Variants in PDE4A observed in about 807,000 individuals in gnomAD.
PDE4A encodes 3',5'-cyclic-AMP phosphodiesterase 4A.
PDE4A carries 21 observed loss-of-function variants against 73.9 expected under a neutral mutation model. That is an observed-to-expected ratio of 0.28 (90% CI 0.20 to 0.41). PDE4A has a LOEUF of 0.41. Ranked by LOEUF, PDE4A falls within the 10% of genes least tolerant of loss-of-function variation. The pLI is 1.00. For synonymous variants in PDE4A, 463 were observed against 505.4 expected (o/e 0.92, Z 1.13); for missense variants, 958 against 1,211.4 (o/e 0.79, Z 3.10).
chr19:10,444,314 A>G (rs1488097887), intron 1 of PDE4A, among the ~76,000 whole-genome samples: 2 of 151,968 alleles, frequency 1.3e-5, no homozygotes, highest in Admixed American at 1.3e-4. Flanking sequence ...TGGAAGTTCC[A>G]GACCAGCCTG....
rs28610998 is a variant in PDE4A at position 10,431,007 on chromosome 19, C to T, written c.320+9923C>T. ...CTCCTCGCCCGTCTTCTTCGCCAGC[C>T]CGTCCCCAACTTTCCGCAGACGCCT... On this transcript the variant is annotated intron_variant, in intron 1 of 14. Coordinates refer to ENST00000380702, the MANE Select transcript of PDE4A (RefSeq NM_001111307.2). The T allele has an allele frequency of 3.2e-6, 5 of 1,578,388 alleles. No homozygotes were observed. The Admixed American group carries it at 8.6e-5, about 27-fold the overall frequency.
chr19:10,459,861 T>C, intron 10 of PDE4A, 102 bp downstream of exon 10: 1 of 1,287,216 alleles, frequency 7.8e-7, no homozygotes, highest in Non-Finnish European at 1.1e-6. Flanking sequence ...CCTCCATCTC[T>C]CTTTGACGCC....
chr19:10,463,395 CTTTTTTT>C (rs35214617), intron 13 of PDE4A, among the ~76,000 whole-genome samples: 19 of 100,398 alleles, frequency 1.9e-4, no homozygotes, highest in Non-Finnish European at 2.5e-4. Flanking sequence ...CAGCCCCATT[CTTTTTTT>C]TTTTTTTTTT....
intron 1 of PDE4A, chr19:10,427,598 A>G (rs1231428976): frequency 2.0e-6 from 2 of 985,324 alleles, no homozygotes; most frequent in Non-Finnish European, 2.4e-6. Context: ...AAACTCATCC[A>G]TAAAGGGCTT....
chr19:10,437,737 T>C (rs992269332), intron 1 of PDE4A, among the ~76,000 whole-genome samples: 6 of 151,374 alleles, frequency 4.0e-5, no homozygotes, highest in African/African-American at 7.3e-5. Context: ...CATTTTCGAG[T>C]GTATAGTTCA....
In PDE4A at chr19:10,421,111, C is replaced by T. The variant is rs2042645489; in HGVS notation, c.320+27C>T. 2.2e-6 allele frequency: 3 copies of T among 1,357,400 alleles called. No homozygotes were observed. In the East Asian group the frequency reaches 9.3e-5, roughly 42 times the overall value. The allele number at this position is 1,357,400 out of a possible 1,614,324, so 84.1% of individuals were successfully genotyped here. Reference sequence around the variant, plus strand: ...TAAGACTCCCCGCGGCGGATGCGCGCGGAACGGATGGGCGCGCAGGGAGGA... The same window carrying T: ...TAAGACTCCCCGCGGCGGATGCGCGTGGAACGGATGGGCGCGCAGGGAGGA... On this transcript the variant is annotated intron_variant, in intron 1 of 14. Transcript: ENST00000380702.
At chr19:10,419,054 G>A, upstream of PDE4A, 3 of 586,470 alleles carry the variant, frequency 5.1e-6, no homozygotes, top group Non-Finnish European at 6.2e-6. Flanking sequence ...AAGACCGGCA[G>A]TCTTTTTTTT....
At chr19:10,457,687 C>A in intron 7 of PDE4A, 192 bp from the exon 8 acceptor site, 1 of 663,908 alleles carries the variant, frequency 1.5e-6, no homozygotes, top group Non-Finnish European at 1.9e-6. Context: ...CCCACTCCAG[C>A]CCACCACCTC....
At chr19:10,445,482 A>G (rs776228980) in intron 1 of PDE4A, among the ~76,000 whole-genome samples, 5 of 151,970 alleles carry the variant, frequency 3.3e-5, no homozygotes, top group Non-Finnish European at 7.4e-5. Flanking sequence ...AACATCCTCC[A>G]CTTGGTTGGG....
chr19:10,427,731 C>G, intron 1 of PDE4A: 4 of 948,130 alleles, frequency 4.2e-6, no homozygotes, highest in Non-Finnish European at 5.0e-6. Context: ...TTGGCTTCCC[C>G]GTCTCTGAAA....
chr19:10,448,811 G>T, intron 2 of PDE4A, 106 bp from the exon 3 acceptor site: 1 of 1,567,460 alleles, frequency 6.4e-7, no homozygotes, highest in South Asian at 1.2e-5. Flanking sequence ...GTCCCACAGA[G>T]TCCCCTCCCT....
At chr19:10,430,090 T>G (rs1350896179) in intron 1 of PDE4A, among the ~76,000 whole-genome samples, 1 of 151,198 alleles carries the variant, frequency 6.6e-6, no homozygotes, top group Non-Finnish European at 1.5e-5. Context: ...TGATGAGAGT[T>G]GGGGATGATG....
At chr19:10,418,787 C>T (rs193127121), upstream of PDE4A, 30 of 985,328 alleles carry the variant, frequency 3.0e-5, no homozygotes, top group East Asian at 2.8e-3. Flanking sequence ...CTCTAACCAA[C>T]GTTACAGCAT....
At chr19:10,450,480 C>T (rs2043072153) in intron 4 of PDE4A, 123 bp from the exon 5 acceptor site, 1 of 1,453,164 alleles carries the variant, frequency 6.9e-7, no homozygotes, top group Non-Finnish European at 9.0e-7. Flanking sequence ...TACATGGCAG[C>T]GTCCTTAGGA....
intron 2 of PDE4A, among the ~76,000 whole-genome samples, chr19:10,446,906 T>C (rs1013538180): frequency 3.3e-5 from 5 of 149,378 alleles, no homozygotes; most frequent in African/African-American, 1.2e-4. Context: ...AGTTCCTTTT[T>C]TTTTTGAGAC....
chr19:10,417,169 G>C (rs2042596299), upstream of PDE4A: 2 of 983,578 alleles, frequency 2.0e-6, no homozygotes, highest in Non-Finnish European at 2.4e-6. Context: ...GCTGCCCTAA[G>C]AGGCTCTCAG....
chr19:10,462,730 A>G (rs887260361), intron 13 of PDE4A, among the ~76,000 whole-genome samples: 9 of 149,000 alleles, frequency 6.0e-5, no homozygotes, highest in Admixed American at 5.3e-4. Flanking sequence ...CTTCTCATCA[A>G]CTCCTTCCAG....
intron 1 of PDE4A, among the ~76,000 whole-genome samples, chr19:10,438,026 G>A (rs2042888109): frequency 6.6e-6 from 1 of 151,504 alleles, no homozygotes. Flanking sequence ...CCAGGCTGGT[G>A]TTGAACTCCT....
intron 1 of PDE4A, chr19:10,432,471 C>T (rs1329889239): frequency 2.0e-6 from 3 of 1,493,868 alleles, no homozygotes; most frequent in East Asian, 5.9e-5. Context: ...CCGGCCCCGG[C>T]CCCCTGCCCT....
Sources: gnomAD v4.1 joint callset for allele counts (sites outside exome capture counted in the v4.1 genomes callset) on GRCh38, gnomAD v4.1.1 for gene constraint, MANE v1.5 for transcripts, NCBI Gene and HGNC (gene_info 2026-07-23, HGNC 2026-07-21) for gene names.